The following SOX5 variants were observed in gnomAD, a reference collection of about 807,000 sequenced individuals.
SOX5 encodes SRY-box transcription factor 5.
In SOX5, 9 loss-of-function variants were observed where a neutral mutation model predicts 92.0. That is an observed-to-expected ratio of 0.10 (90% CI 0.06 to 0.17). The LOEUF is 0.17. Ranked by LOEUF, SOX5 falls within the 10% of genes least tolerant of loss-of-function variation. The probability of loss-of-function intolerance (pLI) is 1.00; values close to 1 mark genes in which losing one functional copy is unlikely to be tolerated. For missense variants in SOX5, 642 were observed against 944.5 expected, an observed-to-expected ratio of 0.68 and a Z score of 4.20; for synonymous variants, 344 against 336.3, an observed-to-expected ratio of 1.02 and a Z score of -0.25.
At chr12:23,681,428 G>A (rs1214868482) in intron 6 of SOX5, among the ~76,000 whole-genome samples, 1 of 151,894 alleles carries the variant, frequency 6.6e-6, no homozygotes, top group South Asian at 2.1e-4. Flanking sequence ...TATAAGTGGA[G>A]TAAGCTCATC....
At chr12:24,354,958 G>A (rs532341084) in intron 2 of SOX5, among the ~76,000 whole-genome samples, 61 of 152,062 alleles carry the variant, frequency 4.0e-4, no homozygotes, top group Non-Finnish European at 6.8e-4. Flanking sequence ...TTTCCTTCTA[G>A]TAACTTAAAA....
intron 1 of SOX5, among the ~76,000 whole-genome samples, chr12:23,918,270 TC>T (rs1241528266): frequency 2.6e-5 from 4 of 152,200 alleles, no homozygotes; most frequent in Non-Finnish European, 1.5e-5. Flanking sequence ...TGGCATTTTT[TC>T]GTTTAGTCAA....
chr12:24,042,463 A>C (rs1304567396), intron 4 of SOX5, among the ~76,000 whole-genome samples: 1 of 152,144 alleles, frequency 6.6e-6, no homozygotes, highest in Non-Finnish European at 1.5e-5. Flanking sequence ...AACATTTTAA[A>C]ATATTTCTTC....
chr12:24,555,808 A>T (rs1228888817), intron 1 of SOX5, among the ~76,000 whole-genome samples: 2 of 152,200 alleles, frequency 1.3e-5, no homozygotes, highest in African/African-American at 4.8e-5. Flanking sequence ...AAAGCAAGTG[A>T]AGTACTACTA....
At chr12:24,067,578 A>G (rs559967673) in intron 4 of SOX5, among the ~76,000 whole-genome samples, 11 of 152,198 alleles carry the variant, frequency 7.2e-5, no homozygotes, top group Non-Finnish European at 1.6e-4. Context: ...GATTATTCTA[A>G]TTAGCTATAT....
intron 2 of SOX5, among the ~76,000 whole-genome samples, chr12:24,360,899 A>G (rs1353019749): frequency 2.0e-5 from 3 of 152,228 alleles, no homozygotes; most frequent in South Asian, 2.1e-4. Flanking sequence ...GCTCTTCAAA[A>G]GAATAAATTG....
chr12:23,755,436 T>A (rs535153715), intron 4 of SOX5, among the ~76,000 whole-genome samples: 4 of 151,740 alleles, frequency 2.6e-5, no homozygotes, highest in Non-Finnish European at 5.9e-5. Flanking sequence ...AAACAACATA[T>A]CATTTATTCC....
chr12:23,979,765 T>C (rs1460968116), intron 4 of SOX5, among the ~76,000 whole-genome samples: 1 of 125,730 alleles, frequency 8.0e-6, no homozygotes, highest in African/African-American at 3.0e-5. Flanking sequence ...TCACTCAGAC[T>C]GGAGTGCAGT....
intron 3 of SOX5, among the ~76,000 whole-genome samples, chr12:24,276,251 G>A (rs1944415622): frequency 6.6e-6 from 1 of 152,024 alleles, no homozygotes; most frequent in South Asian, 2.1e-4. Context: ...AATATATGAA[G>A]CCTGAGTTAT....
intron 3 of SOX5, among the ~76,000 whole-genome samples, chr12:23,809,283 G>T (rs1020826537): frequency 6.6e-6 from 1 of 152,022 alleles, no homozygotes; most frequent in African/African-American, 2.4e-5. Flanking sequence ...GTAGAAAAGA[G>T]AAATATTTTT....
chr12:23,810,914 T>A (rs544431411), intron 3 of SOX5, among the ~76,000 whole-genome samples: 1 of 152,128 alleles, frequency 6.6e-6, no homozygotes, highest in Non-Finnish European at 1.5e-5. Context: ...TGCTTTTTTT[T>A]CCCCTCTCTT....
At chr12:23,844,267 T>C (rs2096551015) in intron 3 of SOX5, among the ~76,000 whole-genome samples, 1 of 152,178 alleles carries the variant, frequency 6.6e-6, no homozygotes, top group African/African-American at 2.4e-5. Context: ...AATATCAAAA[T>C]TCAAAATCCG....
intron 4 of SOX5, among the ~76,000 whole-genome samples, chr12:24,003,011 T>C (rs1475945498): frequency 4.6e-5 from 7 of 152,116 alleles, no homozygotes; most frequent in Non-Finnish European, 1.0e-4. Context: ...GTTTAATATC[T>C]CTTCATCAGT....
chr12:23,560,774 T>C (rs548365920), intron 11 of SOX5, among the ~76,000 whole-genome samples: 3 of 152,352 alleles, frequency 2.0e-5, no homozygotes, highest in South Asian at 4.1e-4. Flanking sequence ...CAGACATAGA[T>C]TGATCATTAA....
intron 4 of SOX5, among the ~76,000 whole-genome samples, chr12:24,098,678 G>A (rs565345013): frequency 6.6e-6 from 1 of 152,256 alleles, no homozygotes; most frequent in African/African-American, 2.4e-5. Context: ...TTCCAGAAAT[G>A]TGTATAGTTT....
chr12:23,766,664 T>C (rs2094736782), intron 3 of SOX5, among the ~76,000 whole-genome samples: 1 of 152,148 alleles, frequency 6.6e-6, no homozygotes. Flanking sequence ...AGAATTTTAC[T>C]AACACCACAC....
intron 3 of SOX5, among the ~76,000 whole-genome samples, chr12:23,766,264 A>G (rs2094722831): frequency 6.6e-6 from 1 of 152,166 alleles, no homozygotes; most frequent in Non-Finnish European, 1.5e-5. Context: ...ATTGAATCAC[A>G]TAAGCAATAT....
intron 2 of SOX5, among the ~76,000 whole-genome samples, chr12:24,353,666 A>T (rs1168933980): frequency 6.6e-6 from 1 of 151,544 alleles, no homozygotes; most frequent in Non-Finnish European, 1.5e-5. Context: ...AGGGGGATGG[A>T]GTCTTGCTCT....
chr12:23,809,373 TAAATA>T (rs1420430400), intron 3 of SOX5, among the ~76,000 whole-genome samples: 1 of 152,060 alleles, frequency 6.6e-6, no homozygotes. Context: ...CCCATTTTAA[TAAATA>T]AATGTGAAAA....
Sources: gnomAD v4.1 joint callset for allele counts (sites outside exome capture counted in the v4.1 genomes callset) on GRCh38, gnomAD v4.1.1 for gene constraint, MANE v1.5 for transcripts, NCBI Gene and HGNC (gene_info 2026-07-23, HGNC 2026-07-21) for gene names.